Variants in MAF observed in about 807,000 individuals in gnomAD.
MAF encodes transcription factor Maf.
A neutral mutation model predicts 22.0 loss-of-function variants in MAF; 10 were observed. The observed-to-expected ratio is 0.45, with a 90% CI of 0.28 to 0.77. The LOEUF is 0.77. MAF is among the 30% of genes least tolerant of loss of function. The pLI is 0.12. For missense variants in MAF, 544 were observed against 548.4 expected, an observed-to-expected ratio of 0.99 and a Z score of 0.08; for synonymous variants, 337 against 255.8, an observed-to-expected ratio of 1.32 and a Z score of -3.03.
chr16:79,238,354 A>C, the MAF span, among the ~76,000 whole-genome samples: 7 of 152,062 alleles, frequency 4.6e-5, no homozygotes, highest in Non-Finnish European at 1.0e-4. Flanking sequence ...TCCTTCATTT[A>C]CAGATTCCCT....
the MAF span, chr16:79,211,588 C>CTT: frequency 1.7e-5 from 28 of 1,613,736 alleles, no homozygotes; most frequent in Non-Finnish European, 2.4e-5. Flanking sequence ...TTTTTTTTGT[C>CTT]TTTCTTCTTG....
chr16:79,226,233 C>A, the MAF span, among the ~76,000 whole-genome samples: 3,504 of 152,254 alleles, frequency 0.023, 45 homozygotes, highest in East Asian at 0.037. Flanking sequence ...TTTGCAGGGA[C>A]ATGGATGAAG....
the MAF span, among the ~76,000 whole-genome samples, chr16:79,349,108 T>C: frequency 6.6e-6 from 1 of 152,258 alleles, no homozygotes; most frequent in African/African-American, 2.4e-5. Context: ...CTAATTCTCA[T>C]AACTTCAGTG....
the MAF span, among the ~76,000 whole-genome samples, chr16:79,568,829 A>G: frequency 2.6e-5 from 4 of 152,208 alleles, no homozygotes; most frequent in African/African-American, 9.6e-5. Flanking sequence ...AATGGCAATA[A>G]TAGATCATGT....
the MAF span, among the ~76,000 whole-genome samples, chr16:79,286,548 G>T: frequency 6.6e-6 from 1 of 152,182 alleles, no homozygotes; most frequent in African/African-American, 2.4e-5. Flanking sequence ...ATGCACACGT[G>T]TATATGTGCA....
chr16:79,490,573 T>G, the MAF span, among the ~76,000 whole-genome samples: 1 of 152,042 alleles, frequency 6.6e-6, no homozygotes, highest in Non-Finnish European at 1.5e-5. Context: ...CTCAGATATA[T>G]GGTTAAATGA....
chr16:79,469,633 G>C, the MAF span, among the ~76,000 whole-genome samples: 1 of 152,134 alleles, frequency 6.6e-6, no homozygotes, highest in African/African-American at 2.4e-5. Flanking sequence ...GTCTCACTCT[G>C]TTGCCCAGAC....
chr16:79,585,176 G>C (rs955423638), downstream of MAF, among the ~76,000 whole-genome samples: 2 of 152,054 alleles, frequency 1.3e-5, no homozygotes, highest in South Asian at 2.1e-4. Context: ...AAATGAAGAG[G>C]GTTCATAATA....
At chr16:79,531,668 C>T in the MAF span, among the ~76,000 whole-genome samples, 1 of 152,074 alleles carries the variant, frequency 6.6e-6, no homozygotes, top group Non-Finnish European at 1.5e-5. Context: ...CTATAAGAAT[C>T]TTAATGCCAC....
chr16:79,252,824 T>G, the MAF span, among the ~76,000 whole-genome samples: 1 of 152,104 alleles, frequency 6.6e-6, no homozygotes, highest in African/African-American at 2.4e-5. Context: ...AGTTACTATC[T>G]GCACATTTGA....
the MAF span, among the ~76,000 whole-genome samples, chr16:79,213,281 G>C: frequency 6.7e-6 from 1 of 149,742 alleles, no homozygotes; most frequent in Non-Finnish European, 1.5e-5. Context: ...CTCTGCATCT[G>C]TGGTGCAGAG....
chr16:79,425,190 T>C, the MAF span, among the ~76,000 whole-genome samples: 1 of 152,242 alleles, frequency 6.6e-6, no homozygotes, highest in Non-Finnish European at 1.5e-5. Context: ...TATCTATTTA[T>C]ATGATCTCTT....
At chr16:79,240,231 T>C in the MAF span, among the ~76,000 whole-genome samples, 2 of 151,038 alleles carry the variant, frequency 1.3e-5, no homozygotes, top group African/African-American at 4.8e-5. Context: ...GATCCAGCAG[T>C]CTTATGTTTT....
the MAF span, among the ~76,000 whole-genome samples, chr16:79,547,753 C>T: frequency 6.6e-6 from 1 of 152,048 alleles, no homozygotes; most frequent in African/African-American, 2.4e-5. Flanking sequence ...TAGCATAAAT[C>T]CCAGACATCA....
the MAF span, among the ~76,000 whole-genome samples, chr16:79,549,379 T>A: frequency 1.3e-5 from 2 of 152,278 alleles, no homozygotes; most frequent in African/African-American, 4.8e-5. Context: ...CAGGCTGGGA[T>A]AGAACACCCT....
chr16:79,591,674 G>C (rs1241858739), downstream of MAF, among the ~76,000 whole-genome samples: 1 of 152,116 alleles, frequency 6.6e-6, no homozygotes, highest in Non-Finnish European at 1.5e-5. Context: ...TCTGTGCGTC[G>C]TTGGTTTGCT....
chr16:79,335,078 G>A, the MAF span, among the ~76,000 whole-genome samples: 14 of 151,630 alleles, frequency 9.2e-5, no homozygotes, highest in Admixed American at 2.6e-4. Flanking sequence ...CCAGCTACTC[G>A]GGAGGCTGAG....
the MAF span, among the ~76,000 whole-genome samples, chr16:79,209,669 A>C: frequency 6.6e-6 from 1 of 152,194 alleles, no homozygotes; most frequent in African/African-American, 2.4e-5. Context: ...CACCATCTCC[A>C]CCAGAACTCT....
the MAF span, among the ~76,000 whole-genome samples, chr16:79,404,455 G>A: frequency 2.6e-5 from 4 of 152,138 alleles, no homozygotes; most frequent in Non-Finnish European, 5.9e-5. Flanking sequence ...GCCACCACGC[G>A]TGGCCTGGAA....
Sources: gnomAD v4.1 joint callset for allele counts (sites outside exome capture counted in the v4.1 genomes callset) on GRCh38, gnomAD v4.1.1 for gene constraint, MANE v1.5 for transcripts, NCBI Gene and HGNC (gene_info 2026-07-23, HGNC 2026-07-21) for gene names.